Variants in UQCC1 observed in about 807,000 individuals in gnomAD.
UQCC1 encodes the protein bFGF-repressed Zic-binding protein.
A neutral mutation model predicts 48.0 loss-of-function variants in UQCC1; 38 were observed. The observed-to-expected ratio is 0.79, with a 90% CI of 0.61 to 1.04. The LOEUF is 1.04. Among genes scored for constraint, UQCC1 ranks in the 50% least tolerant of loss-of-function variants. The pLI is 0.00. For missense variants in UQCC1, 368 were observed against 381.8 expected, an observed-to-expected ratio of 0.96 and a Z score of 0.30; for synonymous variants, 111 against 129.2, an observed-to-expected ratio of 0.86 and a Z score of 0.95.
chr20:35,376,408 A>G (rs1196907680), intron 4 of UQCC1, among the ~76,000 whole-genome samples: 2 of 151,978 alleles, frequency 1.3e-5, no homozygotes, highest in Non-Finnish European at 2.9e-5. Context: ...GGAATCAGAG[A>G]GCAGACATCA....
intron 1 of UQCC1, among the ~76,000 whole-genome samples, chr20:35,402,307 G>A (rs1163205454): frequency 2.0e-5 from 3 of 151,990 alleles, no homozygotes; most frequent in Non-Finnish European, 2.9e-5. Context: ...GGCCGGGCGC[G>A]GTGGCTTACG....
chr20:35,338,754 A>G (rs1340237771), intron 7 of UQCC1, among the ~76,000 whole-genome samples: 1 of 149,084 alleles, frequency 6.7e-6, no homozygotes, highest in Non-Finnish European at 1.5e-5. Context: ...CTGAAGCAGA[A>G]GAATCGCTTG....
chr20:35,370,975 T>C (rs1761030651), intron 5 of UQCC1, among the ~76,000 whole-genome samples: 1 of 152,008 alleles, frequency 6.6e-6, no homozygotes, highest in South Asian at 2.1e-4. Context: ...GAAAACAAAA[T>C]AAAACAAAAT....
At chr20:35,319,491 C>CATA (rs1568653529) in intron 7 of UQCC1, among the ~76,000 whole-genome samples, 1 of 152,084 alleles carries the variant, frequency 6.6e-6, no homozygotes, top group Non-Finnish European at 1.5e-5. Context: ...CTTTTTATGA[C>CATA]ATAATAAAAA....
At chr20:35,380,693 G>A (rs1280313245) in intron 4 of UQCC1, among the ~76,000 whole-genome samples, 1 of 152,100 alleles carries the variant, frequency 6.6e-6, no homozygotes, top group Non-Finnish European at 1.5e-5. Flanking sequence ...TTTGACTTAT[G>A]ACTGATTAGG....
At chr20:35,334,429 T>C (rs1031093312) in intron 7 of UQCC1, among the ~76,000 whole-genome samples, 1 of 152,306 alleles carries the variant, frequency 6.6e-6, no homozygotes, top group African/African-American at 2.4e-5. Context: ...ACATTGTTTG[T>C]CTTCTCATAC....
At chr20:35,314,069 A>G (rs1317744865) in intron 8 of UQCC1, among the ~76,000 whole-genome samples, 2 of 151,740 alleles carry the variant, frequency 1.3e-5, no homozygotes, top group Admixed American at 1.3e-4. Flanking sequence ...GGTTCAAGCG[A>G]TTCACCTGCC....
intron 7 of UQCC1, among the ~76,000 whole-genome samples, chr20:35,337,291 T>C (rs2425064): frequency 0.49 from 74,369 of 151,648 alleles, 20,255 homozygotes; most frequent in African/African-American, 0.74. Flanking sequence ...CAGGTTCAAG[T>C]GATTCTCCTG....
chr20:35,310,888 CG>C (rs1214115753), intron 8 of UQCC1, among the ~76,000 whole-genome samples: 1 of 140,796 alleles, frequency 7.1e-6, no homozygotes, highest in East Asian at 2.1e-4. Flanking sequence ...TCAGTAGAGA[CG>C]GGGTTTCACC....
chr20:35,352,180 C>T (rs2061496798), intron 6 of UQCC1, among the ~76,000 whole-genome samples: 1 of 152,152 alleles, frequency 6.6e-6, no homozygotes, highest in Non-Finnish European at 1.5e-5. Context: ...GAGGTTGAGA[C>T]AAAAGACAAA....
chr20:35,403,243 CAA>C (rs993088365), intron 1 of UQCC1, among the ~76,000 whole-genome samples: 4 of 151,950 alleles, frequency 2.6e-5, no homozygotes, highest in East Asian at 3.9e-4. Context: ...TATGGCAAGG[CAA>C]AAGAGTAGAA....
At chr20:35,337,717 G>C (rs149079345) in intron 7 of UQCC1, among the ~76,000 whole-genome samples, 4 of 152,272 alleles carry the variant, frequency 2.6e-5, no homozygotes, top group Non-Finnish European at 5.9e-5. Context: ...AGGCCTTGGA[G>C]GCTGAGTATG....
chr20:35,327,345 C>G (rs2061206589), intron 7 of UQCC1, among the ~76,000 whole-genome samples: 1 of 152,178 alleles, frequency 6.6e-6, no homozygotes, highest in South Asian at 2.1e-4. Flanking sequence ...GCTCACTGTT[C>G]AGAGCTGTAC....
intron 1 of UQCC1, among the ~76,000 whole-genome samples, chr20:35,395,511 T>A (rs6142373): frequency 0.56 from 83,548 of 149,382 alleles, 23,850 homozygotes; most frequent in East Asian, 0.71. Flanking sequence ...TATAAATAAA[T>A]AAAAAAAAAA....
At chr20:35,386,084 T>C (rs1324741277) in intron 2 of UQCC1, among the ~76,000 whole-genome samples, 1 of 152,112 alleles carries the variant, frequency 6.6e-6, no homozygotes, top group African/African-American at 2.4e-5. Context: ...TAAATGCTTA[T>C]AATATGTATA....
intron 1 of UQCC1, chr20:35,409,447 G>A (rs183547831): frequency 8.2e-5 from 14 of 171,406 alleles, no homozygotes; most frequent in Admixed American, 6.7e-4. Flanking sequence ...TCCAGCTTGC[G>A]CAACAAGAGC....
intron 2 of UQCC1, among the ~76,000 whole-genome samples, chr20:35,392,717 C>A (rs1459716145): frequency 6.6e-6 from 1 of 151,914 alleles, no homozygotes; most frequent in East Asian, 1.9e-4. Flanking sequence ...GTGAAAAGAC[C>A]AGGAAATACA....
chr20:35,376,968 C>CAAAAAAAAAAA (rs11330133), intron 4 of UQCC1, among the ~76,000 whole-genome samples: 1 of 142,632 alleles, frequency 7.0e-6, no homozygotes, highest in Admixed American at 6.9e-5. Flanking sequence ...CAAAACAAAA[C>CAAAAAAAAAAA]AAAAAAAAAA....
At chr20:35,366,341 G>GA (rs1489273181) in intron 6 of UQCC1, among the ~76,000 whole-genome samples, 4 of 152,174 alleles carry the variant, frequency 2.6e-5, no homozygotes, top group African/African-American at 9.7e-5. Flanking sequence ...GGTGTTCTCT[G>GA]AAAAAATCCT....
Sources: gnomAD v4.1 joint callset for allele counts (sites outside exome capture counted in the v4.1 genomes callset) on GRCh38, gnomAD v4.1.1 for gene constraint, MANE v1.5 for transcripts, NCBI Gene and HGNC (gene_info 2026-07-23, HGNC 2026-07-21) for gene names.